The following ZMPSTE24 variants were observed in gnomAD, a reference collection of about 807,000 sequenced individuals.
The protein encoded by ZMPSTE24 is CAAX prenyl protease 1 homolog.
Under a neutral mutation model 56.7 loss-of-function variants are expected in ZMPSTE24, and 48 were observed. The ratio of observed to expected loss-of-function variants is 0.85; its 90% CI spans 0.67 to 1.08. ZMPSTE24 has a LOEUF of 1.08. Among genes scored for constraint, ZMPSTE24 ranks in the 50% least tolerant of loss-of-function variants. ZMPSTE24 has a pLI of 0.00. For missense variants in ZMPSTE24, 503 were observed against 548.7 expected, an observed-to-expected ratio of 0.92 and a Z score of 0.83; for synonymous variants, 172 against 195.2, an observed-to-expected ratio of 0.88 and a Z score of 0.99.
In ZMPSTE24 at chr1:40,281,395, C is replaced by T; in HGVS notation, c.822C>T (p.Asn274=). The T allele has an allele frequency of 6.2e-7, 1 of 1,614,088 alleles. No individual in the cohort carries two copies. Among genetic ancestry groups the T allele is most frequent in the Non-Finnish European group, 8.5e-7 (1 of 1,179,984 alleles). ...SNAYFYGFFK[N]KRIVLFDTLL... is the part of the protein sequence containing the mutation. ...CTTATTTTTATGGCTTCTTCAAGAA[C>T]AAGCGAATAGTTTTGTTTGACACTC... The change falls in exon 7 of 10, where the codon AAC becomes AAT. Residue 274 remains asparagine, a synonymous_variant. Transcript: ENST00000372759.
Position 40,290,943 on chromosome 1 carries a change from C to T in ZMPSTE24, c.1149C>T (p.Pro383=). ...FAAFGFYDSQ[P]TLIGLLIIFQ... is the part of the protein sequence containing the mutation. ...CATTTGGTTTTTATGATAGCCAACCCACTCTTATTGGACTATTGATCATCT... is the reference window on the plus strand; with the variant it reads ...CATTTGGTTTTTATGATAGCCAACCTACTCTTATTGGACTATTGATCATCT... The change falls in exon 9 of 10, where the codon CCC becomes CCT. Residue 383 remains proline, a synonymous_variant. Coordinates refer to ENST00000372759, the MANE Select transcript of ZMPSTE24 (RefSeq NM_005857.5). The T allele has an allele frequency of 1.2e-6, 2 of 1,614,034 alleles. No homozygotes were observed. Among genetic ancestry groups the T allele is most frequent in the Non-Finnish European group, 1.7e-6 (2 of 1,179,994 alleles).
chr1:40,261,059 G>C, intron 2 of ZMPSTE24, 74 bp downstream of exon 2: 4 of 1,556,000 alleles, frequency 2.6e-6, no homozygotes, highest in Non-Finnish European at 3.5e-6. Context: ...CACAAAAGAG[G>C]GTACCACACT....
intron 6 of ZMPSTE24, among the ~76,000 whole-genome samples, chr1:40,278,483 G>A (rs1408179778): frequency 4.2e-5 from 6 of 144,524 alleles, no homozygotes; most frequent in Admixed American, 3.5e-4. Flanking sequence ...GCGTGAACCC[G>A]GGAGGCGGAG....
At position 40,273,516 on chromosome 1, in the gene ZMPSTE24, T is replaced by TAAAA. The variant is rs1205861105; in HGVS notation, c.769+1500_769+1503dup. Among the ~76,000 whole-genome samples the TAAAA allele has an allele frequency of 5.7e-4, 6 of 10,580 alleles. 1 individual carries two copies. Among genetic ancestry groups the TAAAA allele is most frequent in the East Asian group, 3.0e-3 (1 of 332 alleles). 6.9% of individuals were successfully genotyped at this position (10,580 alleles called of 152,430 possible). On this transcript the variant is annotated intron_variant, in intron 6 of 9. Transcript: ENST00000372759. ...TGGGCAACAAGAGCCAAATTCTGTCTAAAAAAAAAAAAAAAAAAAAAATAT... is the reference window on the plus strand; with the variant it reads ...TGGGCAACAAGAGCCAAATTCTGTCTAAAAAAAAAAAAAAAAAAAAAAAAAATAT...
rs375303549 is a variant in ZMPSTE24 at position 40,282,283 on chromosome 1, G to C, written c.954+756G>C. ...AGAAAGCTGCTTCTGAATCCTTTTC[G>C]TGGATAAGATTGACTGATATTGATT... On this transcript the variant is annotated intron_variant, in intron 7 of 9. Transcript: ENST00000372759. Among the ~76,000 whole-genome samples, 12 of 152,274 alleles carry C rather than the reference G, an allele frequency of 7.9e-5. 1 individual carries two copies. The highest frequency in any genetic ancestry group is 3.9e-4 in the East Asian group (2 of 5,190).
Position 40,290,866 on chromosome 1 carries a change from C to G in ZMPSTE24, c.1072C>G (p.Leu358Val). The G allele has an allele frequency of 6.2e-7, 1 of 1,613,792 alleles. No homozygotes were observed. Among genetic ancestry groups the G allele is most frequent in the Non-Finnish European group, 8.5e-7 (1 of 1,179,960 alleles). The change falls in exon 9 of 10, where the codon CTG becomes GTG. Residue 358 changes from leucine to valine, a missense_variant. Coordinates refer to ENST00000372759, the MANE Select transcript of ZMPSTE24 (RefSeq NM_005857.5). Reference sequence around the variant, plus strand: ...TCCTTCTTTCTAGATGAATTCTTTCCTGTGTTTTTTTTTATTTGCTGTATT... The same window carrying G: ...TCCTTCTTTCTAGATGAATTCTTTCGTGTGTTTTTTTTTATTTGCTGTATT... ...NIIISQMNSF[L>V]CFFLFAVLIG...
intron 5 of ZMPSTE24, among the ~76,000 whole-genome samples, chr1:40,270,746 C>G (rs1643606132): frequency 6.6e-6 from 1 of 152,046 alleles, no homozygotes; most frequent in Non-Finnish European, 1.5e-5. Context: ...TGATTTTTCC[C>G]TCCCTCACAT....
intron 2 of ZMPSTE24, among the ~76,000 whole-genome samples, chr1:40,265,055 A>C (rs1443639392): frequency 6.6e-6 from 1 of 152,038 alleles, no homozygotes; most frequent in East Asian, 1.9e-4. Flanking sequence ...TCCCCAAAAG[A>C]AACTAAACAT....
chr1:40,265,146 C>A (rs1323142753), intron 2 of ZMPSTE24, among the ~76,000 whole-genome samples: 1 of 152,174 alleles, frequency 6.6e-6, no homozygotes, highest in Non-Finnish European at 1.5e-5. Flanking sequence ...CATATTAAAA[C>A]TACCCTTGAT....
intron 7 of ZMPSTE24, among the ~76,000 whole-genome samples, chr1:40,284,102 A>ATT (rs10600489): frequency 1.7e-5 from 2 of 116,976 alleles, no homozygotes; most frequent in Admixed American, 9.1e-5. Flanking sequence ...TGCCCAGCTA[A>ATT]TTTTTTTTTT....
At chr1:40,282,609 TG>T (rs1428167520) in intron 7 of ZMPSTE24, among the ~76,000 whole-genome samples, 19 of 152,362 alleles carry the variant, frequency 1.2e-4, no homozygotes, top group African/African-American at 4.1e-4. Context: ...CCCAAAGTGC[TG>T]GGATTATAGG....
chr1:40,281,140 T>C (rs1338241611), intron 6 of ZMPSTE24, among the ~76,000 whole-genome samples: 1 of 152,212 alleles, frequency 6.6e-6, no homozygotes, highest in Non-Finnish European at 1.5e-5. Flanking sequence ...CTTACTGCTA[T>C]AAAGCTGTGA....
intron 2 of ZMPSTE24, chr1:40,262,723 G>A: frequency 3.7e-5 from 26 of 707,516 alleles, no homozygotes; most frequent in Non-Finnish European, 4.6e-5. Flanking sequence ...TATTTTGCAT[G>A]TTTTCCCTCC....
Position 40,285,963 on chromosome 1 carries a change from T to C in ZMPSTE24, c.993T>C (p.Ala331=). Reference sequence around the variant, plus strand: ...GATGTAAAAATGAGGAGGTACTCGCTGTACTAGGCCATGAACTGGGGCACT... The same window carrying C: ...GATGTAAAAATGAGGAGGTACTCGCCGTACTAGGCCATGAACTGGGGCACT... ...KQGCKNEEVL[A]VLGHELGHWK... Residue 331 remains alanine, a synonymous_variant, in exon 8 of 10, where the codon GCT becomes GCC. Transcript: ENST00000372759. 1 of 1,614,122 alleles carries C rather than the reference T, an allele frequency of 6.2e-7. No homozygotes were observed. The highest frequency in any genetic ancestry group is 8.5e-7 in the Non-Finnish European group (1 of 1,179,970).
rs775920261 is a variant in ZMPSTE24, at chr1:40,258,254, C to T, written c.-18C>T. The T allele has an allele frequency of 6.2e-6, 10 of 1,612,582 alleles. No homozygotes were observed. Among genetic ancestry groups the T allele is most frequent in the Non-Finnish European group, 8.5e-6 (10 of 1,179,862 alleles). On this transcript the variant is annotated 5_prime_UTR_variant, in exon 1 of 10. Coordinates refer to ENST00000372759, the MANE Select transcript of ZMPSTE24 (RefSeq NM_005857.5). ...TGGCACCGGTGCACGCTGAAGGAGC[C>T]GGCGGAACCGGGTGGCCATGGGGAT... is the stretch of plus-strand genomic sequence containing the variant.
At chr1:40,290,826 C>G in intron 8 of ZMPSTE24, 28 bp from the exon 9 acceptor site, 1 of 1,611,710 alleles carries the variant, frequency 6.2e-7, no homozygotes. Context: ...TTGGTAATAA[C>G]TTAGAAATTT....
At chr1:40,268,103 G>A (rs1361009471) in intron 3 of ZMPSTE24, among the ~76,000 whole-genome samples, 1 of 152,184 alleles carries the variant, frequency 6.6e-6, no homozygotes, top group East Asian at 1.9e-4. Context: ...TCCAGTGTGA[G>A]TATTTTTAGT....
intron 6 of ZMPSTE24, among the ~76,000 whole-genome samples, chr1:40,273,968 C>T (rs1016794126): frequency 6.6e-6 from 1 of 151,680 alleles, no homozygotes; most frequent in African/African-American, 2.4e-5. Context: ...ATAAAATAGT[C>T]AGGGAAGGCT....
chr1:40,266,016 G>A (rs951395979), intron 2 of ZMPSTE24, among the ~76,000 whole-genome samples: 7 of 152,140 alleles, frequency 4.6e-5, no homozygotes, highest in African/African-American at 1.7e-4. Flanking sequence ...AACACTTTAG[G>A]AAATATCCTG....
Sources: gnomAD v4.1 joint callset for allele counts (sites outside exome capture counted in the v4.1 genomes callset) on GRCh38, gnomAD v4.1.1 for gene constraint, MANE v1.5 for transcripts, NCBI Gene and HGNC (gene_info 2026-07-23, HGNC 2026-07-21) for gene names.